Variants in PSEN1 observed in about 807,000 individuals in gnomAD.
The protein encoded by PSEN1 is presenilin 1.
In PSEN1, 15 loss-of-function variants were observed where a neutral mutation model predicts 53.5. The ratio of observed to expected loss-of-function variants is 0.28; its 90% CI spans 0.19 to 0.43. The LOEUF is 0.43. Among genes scored for constraint, PSEN1 ranks in the 20% least tolerant of loss-of-function variants. PSEN1 has a pLI of 1.00. For missense variants in PSEN1, 387 were observed against 571.2 expected, an observed-to-expected ratio of 0.68 and a Z score of 3.29; for synonymous variants, 208 against 209.8, an observed-to-expected ratio of 0.99 and a Z score of 0.08.
intron 1 of PSEN1, among the ~76,000 whole-genome samples, chr14:73,144,965 T>C (rs1204949122): frequency 6.6e-6 from 1 of 152,212 alleles, no homozygotes; most frequent in Non-Finnish European, 1.5e-5. Flanking sequence ...CAATCTTGCT[T>C]CACTGCAACC....
chr14:73,196,113 C>G (rs1037374230), intron 7 of PSEN1, among the ~76,000 whole-genome samples: 2 of 152,104 alleles, frequency 1.3e-5, no homozygotes, highest in African/African-American at 4.8e-5. Flanking sequence ...TCCATTTTTA[C>G]AAGATTTCAA....
rs1897868217 is a variant in PSEN1, at chr14:73,170,869, C to G, written c.160C>G (p.Arg54Gly). 6.2e-7 allele frequency: 1 copy of G among 1,614,160 alleles called. No individual in the cohort carries two copies. The highest frequency in any genetic ancestry group is 8.5e-7 in the Non-Finnish European group (1 of 1,180,012). The part of the protein sequence containing the change: ...LGHPEPLSNG[R>G]PQGNSRQVVE... ...CCACCCTGAGCCATTATCTAATGGA[C>G]GACCCCAGGGTAACTCCCGGCAGGT... Residue 54 changes from arginine to glycine, a missense_variant, in exon 4 of 12, where the codon CGA becomes GGA. This residue lies in a region of PSEN1 where 99 missense variants were observed against 101.5 expected (regional missense o/e 0.98). Coordinates refer to ENST00000324501, the MANE Select transcript of PSEN1 (RefSeq NM_000021.4).
intron 8 of PSEN1, among the ~76,000 whole-genome samples, chr14:73,203,718 T>C (rs1247514703): frequency 6.6e-6 from 1 of 152,202 alleles, no homozygotes; most frequent in Non-Finnish European, 1.5e-5. Flanking sequence ...TTGAGCTAAT[T>C]TATTCTTACC....
chr14:73,144,279 A>G (rs1193931022), intron 1 of PSEN1, among the ~76,000 whole-genome samples: 2 of 151,980 alleles, frequency 1.3e-5, no homozygotes, highest in Non-Finnish European at 2.9e-5. Context: ...TGACCTTGTG[A>G]TCTGCCCACC....
At chr14:73,196,254 A>C (rs1566644323) in intron 7 of PSEN1, among the ~76,000 whole-genome samples, 1 of 152,238 alleles carries the variant, frequency 6.6e-6, no homozygotes, top group East Asian at 1.9e-4. Flanking sequence ...CTGAAATAGT[A>C]CTGAATGTGG....
chr14:73,155,383 AATG>A (rs1431733613), intron 3 of PSEN1, among the ~76,000 whole-genome samples: 1 of 152,256 alleles, frequency 6.6e-6, no homozygotes, highest in Non-Finnish European at 1.5e-5. Context: ...AGATAAACTG[AATG>A]ATTAGTACAC....
intron 1 of PSEN1, chr14:73,139,227 G>A (rs1896845163): frequency 1.3e-5 from 2 of 151,352 alleles, no homozygotes; most frequent in Admixed American, 1.3e-4. Flanking sequence ...AGCTTGCAGT[G>A]AGCCGAGATC....
At chr14:73,202,472 T>TATA (rs1899265771) in intron 8 of PSEN1, among the ~76,000 whole-genome samples, 5 of 58,658 alleles carry the variant, frequency 8.5e-5, no homozygotes, top group African/African-American at 3.3e-4. Context: ...ATTTTTTTTT[T>TATA]TTTTTTTTTT....
intron 5 of PSEN1, among the ~76,000 whole-genome samples, chr14:73,184,868 A>G (rs1898426476): frequency 1.4e-5 from 2 of 141,542 alleles, no homozygotes; most frequent in Admixed American, 7.0e-5. Context: ...TGCCGGGCGG[A>G]GGGGCTCCTC....
At chr14:73,184,278 G>A (rs1167524323) in intron 5 of PSEN1, among the ~76,000 whole-genome samples, 13 of 105,230 alleles carry the variant, frequency 1.2e-4, no homozygotes, top group South Asian at 6.2e-4. Context: ...CCTCCCGGAC[G>A]GGGCGGCTGG....
chr14:73,166,475 G>A (rs1282992344), intron 3 of PSEN1, among the ~76,000 whole-genome samples: 1 of 152,202 alleles, frequency 6.6e-6, no homozygotes, highest in Admixed American at 6.5e-5. Context: ...TAATGTGACA[G>A]TGCCTTGTAA....
At chr14:73,175,609 T>G (rs143856904) in intron 5 of PSEN1, among the ~76,000 whole-genome samples, 1 of 152,350 alleles carries the variant, frequency 6.6e-6, no homozygotes, top group African/African-American at 2.4e-5. Context: ...GGTGTGAACA[T>G]TTTTTCTATT....
At chr14:73,211,115 G>T (rs1301441648) in intron 9 of PSEN1, among the ~76,000 whole-genome samples, 6 of 152,302 alleles carry the variant, frequency 3.9e-5, no homozygotes, top group East Asian at 1.9e-4. Context: ...CAACTCAGTT[G>T]CCTTAAACAA....
At chr14:73,206,363 TG>T (rs1899455598) in intron 8 of PSEN1, 22 bp from the exon 9 acceptor site, 5 of 1,595,254 alleles carry the variant, frequency 3.1e-6, no homozygotes, top group Non-Finnish European at 4.3e-6. Context: ...AGTGCTTACC[TG>T]GAATTTTGTC....
chr14:73,197,823 T>A, intron 7 of PSEN1: 1 of 564,846 alleles, frequency 1.8e-6, no homozygotes, highest in South Asian at 2.0e-5. Context: ...TTTTTACAGA[T>A]GTTCTGTGTC....
At chr14:73,162,415 A>C (rs1333735869) in intron 3 of PSEN1, among the ~76,000 whole-genome samples, 1 of 150,968 alleles carries the variant, frequency 6.6e-6, no homozygotes, top group Admixed American at 6.6e-5. Context: ...GCAATTTGGC[A>C]TGCTCTCGTT....
Position 73,206,374 on chromosome 14 carries a change from C to T in PSEN1, c.869-12C>T. 3 of 1,611,406 alleles carry T rather than the reference C, an allele frequency of 1.9e-6. No individual in the cohort carries two copies. Among genetic ancestry groups the T allele is most frequent in the Non-Finnish European group, 2.5e-6 (3 of 1,177,580 alleles). On this transcript the variant is annotated splice_polypyrimidine_tract_variant and intron_variant, in intron 8 of 11. Coordinates refer to ENST00000324501, the MANE Select transcript of PSEN1 (RefSeq NM_000021.4). ...GTCCAGTGCTTACCTGGAATTTTGT[C>T]TTTCCCAACAGCAACAATGGTGTGG...
chr14:73,219,092 A>C (rs1224221756), intron 11 of PSEN1, 42 bp from the exon 12 acceptor site: 7 of 1,604,312 alleles, frequency 4.4e-6, no homozygotes, highest in Non-Finnish European at 6.0e-6. Context: ...AAATGCTTTC[A>C]TAATTATGTG....
At chr14:73,201,635 G>A (rs564404577) in intron 8 of PSEN1, among the ~76,000 whole-genome samples, 18 of 152,324 alleles carry the variant, frequency 1.2e-4, no homozygotes, top group African/African-American at 4.1e-4. Flanking sequence ...TATAGTAAAT[G>A]TCATGTACTA....
Sources: allele counts gnomAD v4.1 joint callset (sites outside exome capture counted in the v4.1 genomes callset), GRCh38; gene constraint gnomAD v4.1.1; regional missense constraint gnomAD v4.1.1; transcripts MANE v1.5; gene names NCBI Gene and HGNC (gene_info 2026-07-23, HGNC 2026-07-21).